Variants in TES observed in about 807,000 individuals in gnomAD.
The protein encoded by TES is testin.
TES carries 41 observed loss-of-function variants against 48.2 expected under a neutral mutation model. That is an observed-to-expected ratio of 0.85 (90% CI 0.66 to 1.10). The LOEUF (loss-of-function observed/expected upper bound fraction) is 1.10. Among genes scored for constraint, TES ranks in the 50% least tolerant of loss-of-function variants. TES has a pLI of 0.00. For synonymous variants in TES, 162 were observed against 174.9 expected, an observed-to-expected ratio of 0.93 and a Z score of 0.58; for missense variants, 463 against 515.1, an observed-to-expected ratio of 0.90 and a Z score of 0.98.
intron 1 of TES, 91 bp downstream of exon 1, chr7:116,210,825 C>T (rs1426979306): frequency 8.8e-7 from 1 of 1,137,356 alleles, no homozygotes; most frequent in Non-Finnish European, 1.1e-6. Flanking sequence ...GGGTGGGGCT[C>T]GCGGGCCCCC....
rs543280239 is a variant in TES at position 116,235,496 on chromosome 7, A to G, written c.113+877A>G. Reference sequence around the variant, plus strand: ...GTCTTGGTTTGAATGAAGTGCATATATACACAAGACAATGTTAGTGAGTCA... The same window carrying G: ...GTCTTGGTTTGAATGAAGTGCATATGTACACAAGACAATGTTAGTGAGTCA... On this transcript the variant is annotated intron_variant, in intron 2 of 6. Coordinates refer to ENST00000358204, the MANE Select transcript of TES (RefSeq NM_015641.4). Among the ~76,000 whole-genome samples, 13 of 152,338 alleles carry G rather than the reference A, an allele frequency of 8.5e-5. No homozygotes were observed. The South Asian group carries it at 2.3e-3, about 27-fold the overall frequency.
chr7:116,246,967 T>A (rs76617881), intron 2 of TES, among the ~76,000 whole-genome samples: 6 of 143,908 alleles, frequency 4.2e-5, no homozygotes, highest in Admixed American at 2.8e-4. Context: ...TTTTTTTTTT[T>A]AAGCACTATG....
At chr7:116,254,632 A>G (rs1800067616) in intron 6 of TES, among the ~76,000 whole-genome samples, 1 of 152,026 alleles carries the variant, frequency 6.6e-6, no homozygotes, top group African/African-American at 2.4e-5. Flanking sequence ...GCTACTTGGG[A>G]GGCTGAGGCA....
At position 116,252,445 on chromosome 7, in the gene TES, G is replaced by A; in HGVS notation, c.1046G>A (p.Cys349Tyr). 6.2e-7 allele frequency: 1 copy of A among 1,614,218 alleles called. No individual in the cohort carries two copies. The highest frequency in any genetic ancestry group is 8.5e-7 in the Non-Finnish European group (1 of 1,180,048). ...IYVMVNDKPVCKPCYVKNHAV... is the reference protein window; with the variant it reads ...IYVMVNDKPVYKPCYVKNHAV... ...GTGATGGTCAATGACAAGCCCGTGT[G>A]CAAGCCCTGCTATGTGAAGAATCAC... Residue 349 changes from cysteine to tyrosine, a missense_variant, in exon 6 of 7, where the codon TGC (cysteine) becomes TAC (tyrosine). Coordinates refer to ENST00000358204, the MANE Select transcript of TES (RefSeq NM_015641.4).
chr7:116,252,772 G>T, intron 6 of TES: 1 of 401,606 alleles, frequency 2.5e-6, no homozygotes, highest in Non-Finnish European at 4.7e-6. Context: ...TTATTTTCAT[G>T]GTTAGCAATC....
At chr7:116,244,256 A>T (rs539362094) in intron 2 of TES, among the ~76,000 whole-genome samples, 1 of 152,290 alleles carries the variant, frequency 6.6e-6, no homozygotes, top group East Asian at 1.9e-4. Context: ...CCAAAGTCTC[A>T]TCTGAGACCA....
At chr7:116,234,417 G>C in intron 1 of TES, 117 bp from the exon 2 acceptor site, 2 of 831,340 alleles carry the variant, frequency 2.4e-6, no homozygotes, top group Non-Finnish European at 3.9e-6. Context: ...CTAAATATAA[G>C]ATTTGTTTGA....
chr7:116,211,740 T>G (rs969374492), intron 1 of TES, among the ~76,000 whole-genome samples: 26 of 152,234 alleles, frequency 1.7e-4, no homozygotes, highest in African/African-American at 5.8e-4. Flanking sequence ...GTTCCTAATA[T>G]TTTATCTTCT....
intron 6 of TES, among the ~76,000 whole-genome samples, chr7:116,257,043 G>A (rs938711776): frequency 1.3e-5 from 2 of 152,102 alleles, no homozygotes; most frequent in African/African-American, 4.8e-5. Context: ...TGCCTTGAAT[G>A]CCATGAAGTT....
chr7:116,246,073 G>T (rs1255042139), intron 2 of TES, among the ~76,000 whole-genome samples: 2 of 152,022 alleles, frequency 1.3e-5, no homozygotes, highest in African/African-American at 4.8e-5. Context: ...ATTTGGGTGG[G>T]GTCACAGCCA....
At chr7:116,210,933 T>A in intron 1 of TES, 199 bp downstream of exon 1, 3 of 379,108 alleles carry the variant, frequency 7.9e-6, no homozygotes, top group Non-Finnish European at 1.4e-5. Context: ...CTCCCCACAC[T>A]CGGGAGCGAC....
intron 3 of TES, chr7:116,249,490 A>G (rs1328746945): frequency 1.6e-5 from 9 of 548,656 alleles, no homozygotes; most frequent in Non-Finnish European, 2.9e-5. Flanking sequence ...TACCTTTTTG[A>G]GGGAATGGTC....
intron 2 of TES, among the ~76,000 whole-genome samples, chr7:116,244,945 T>G (rs1457471815): frequency 6.6e-6 from 1 of 152,176 alleles, no homozygotes; most frequent in East Asian, 1.9e-4. Context: ...TGGCCCCTTT[T>G]AGCCACCACT....
intron 6 of TES, among the ~76,000 whole-genome samples, chr7:116,256,673 G>A (rs1800103625): frequency 6.6e-6 from 1 of 152,024 alleles, no homozygotes. Context: ...AATGGTACAG[G>A]GATTGTAAGT....
intron 1 of TES, among the ~76,000 whole-genome samples, chr7:116,232,288 A>G (rs1347674664): frequency 6.6e-6 from 1 of 152,238 alleles, no homozygotes; most frequent in African/African-American, 2.4e-5. Context: ...TTTTATACAC[A>G]CATGTAAGTT....
At chr7:116,219,146 A>C (rs991985066) in intron 1 of TES, among the ~76,000 whole-genome samples, 1 of 152,156 alleles carries the variant, frequency 6.6e-6, no homozygotes, top group Non-Finnish European at 1.5e-5. Flanking sequence ...CTCCTATAGA[A>C]TAAAGAAGCT....
chr7:116,230,727 A>T (rs1440141128), intron 1 of TES, among the ~76,000 whole-genome samples: 1 of 152,056 alleles, frequency 6.6e-6, no homozygotes, highest in African/African-American at 2.4e-5. Flanking sequence ...AAAACAAAGT[A>T]CTCCGCCTGC....
intron 3 of TES, chr7:116,249,924 A>AC (rs1799978639): frequency 5.6e-6 from 2 of 359,518 alleles, no homozygotes; most frequent in East Asian, 8.3e-5. Context: ...AGTAACTCAG[A>AC]TCTTACAAAC....
chr7:116,252,198 T>TAGC (rs1343858433), intron 5 of TES, 120 bp from the exon 6 acceptor site: 5 of 1,146,584 alleles, frequency 4.4e-6, no homozygotes, highest in Non-Finnish European at 3.6e-6. Flanking sequence ...AACTAAGTGA[T>TAGC]AGCATAAGTT....
Sources: allele counts gnomAD v4.1 joint callset (sites outside exome capture counted in the v4.1 genomes callset), GRCh38; gene constraint gnomAD v4.1.1; transcripts MANE v1.5; gene names NCBI Gene and HGNC (gene_info 2026-07-23, HGNC 2026-07-21).